Variants in EPB41L4A observed in about 807,000 individuals in gnomAD.
EPB41L4A encodes the protein band 4.1-like protein 4A.
In EPB41L4A, 100 loss-of-function variants were observed where a neutral mutation model predicts 108.6. That is an observed-to-expected ratio of 0.92 (90% confidence interval 0.78 to 1.09). The LOEUF (loss-of-function observed/expected upper bound fraction) is 1.09, where lower values mean the gene tolerates loss of function less well. EPB41L4A is among the 50% of genes least tolerant of loss of function. EPB41L4A has a pLI of 0.00. For synonymous variants in EPB41L4A, 319 were observed against 289.0 expected (o/e 1.10, Z -1.05); for missense variants, 1,030 against 842.7 (o/e 1.22, Z -2.75).
chr5:112,285,435 G>C (rs943573168), intron 2 of EPB41L4A, among the ~76,000 whole-genome samples: 1 of 152,138 alleles, frequency 6.6e-6, no homozygotes, highest in African/African-American at 2.4e-5. Flanking sequence ...ATGGCTATTT[G>C]TGCTTTTCCC....
intron 11 of EPB41L4A, among the ~76,000 whole-genome samples, chr5:112,238,621 T>C (rs557121619): frequency 1.3e-5 from 2 of 152,318 alleles, no homozygotes; most frequent in Admixed American, 6.5e-5. Context: ...AAGCATTTCA[T>C]TCAGTGATGT....
intron 1 of EPB41L4A, among the ~76,000 whole-genome samples, chr5:112,318,695 G>A (rs1404771071): frequency 6.6e-5 from 10 of 152,224 alleles, no homozygotes; most frequent in Admixed American, 1.3e-4. Context: ...GCCACTAAAT[G>A]TTGGGTAGTT....
chr5:112,395,450 C>T (rs943022339), intron 1 of EPB41L4A, among the ~76,000 whole-genome samples: 13 of 152,308 alleles, frequency 8.5e-5, no homozygotes, highest in African/African-American at 2.6e-4. Flanking sequence ...TGAACAGACG[C>T]TTCTCAAAAG....
At chr5:112,381,460 T>G (rs1760170347) in intron 1 of EPB41L4A, among the ~76,000 whole-genome samples, 1 of 152,258 alleles carries the variant, frequency 6.6e-6, no homozygotes, top group Non-Finnish European at 1.5e-5. Context: ...GCAGCAGGAT[T>G]TGAACCAAGA....
chr5:112,181,523 G>A (rs1223062732), intron 18 of EPB41L4A, among the ~76,000 whole-genome samples: 2 of 151,880 alleles, frequency 1.3e-5, no homozygotes, highest in East Asian at 1.9e-4. Flanking sequence ...TTGCCCAAGC[G>A]AAAGAAAACA....
intron 4 of EPB41L4A, among the ~76,000 whole-genome samples, chr5:112,267,336 A>T (rs74468322): frequency 6.6e-6 from 1 of 152,364 alleles, no homozygotes; most frequent in African/African-American, 2.4e-5. Context: ...AATCAGCTAT[A>T]TTAAATATCT....
intron 1 of EPB41L4A, among the ~76,000 whole-genome samples, chr5:112,325,169 C>T (rs1289471009): frequency 2.0e-5 from 3 of 152,074 alleles, no homozygotes; most frequent in Admixed American, 2.0e-4. Flanking sequence ...GGGCCGGGCG[C>T]GGTGGCTCAC....
downstream of EPB41L4A, chr5:112,161,241 G>C (rs992435532): frequency 1.6e-5 from 5 of 305,672 alleles, no homozygotes; most frequent in African/African-American, 6.6e-5. Context: ...CAGCGTGCCT[G>C]GTTACAGCTG....
chr5:112,195,936 G>T (rs138457098), intron 15 of EPB41L4A, among the ~76,000 whole-genome samples: 4 of 152,056 alleles, frequency 2.6e-5, no homozygotes, highest in African/African-American at 9.7e-5. Context: ...CAAACCGTCC[G>T]AATTCCATTA....
intron 1 of EPB41L4A, among the ~76,000 whole-genome samples, chr5:112,328,194 A>C (rs560103921): frequency 2.5e-4 from 38 of 152,262 alleles, no homozygotes; most frequent in Non-Finnish European, 4.9e-4. Context: ...CTGTAGTCCC[A>C]GCTACTTTGG....
At chr5:112,339,132 A>G (rs1407568940) in intron 1 of EPB41L4A, among the ~76,000 whole-genome samples, 1 of 152,188 alleles carries the variant, frequency 6.6e-6, no homozygotes, top group Non-Finnish European at 1.5e-5. Context: ...CGAAGAGAGC[A>G]GGAATTGCAC....
At chr5:112,345,714 C>T (rs769551349) in intron 1 of EPB41L4A, among the ~76,000 whole-genome samples, 7 of 151,282 alleles carry the variant, frequency 4.6e-5, no homozygotes, top group African/African-American at 9.7e-5. Context: ...TGTGTGCACA[C>T]GCATGCAGTG....
chr5:112,395,227 A>G (rs2112703663), intron 1 of EPB41L4A, among the ~76,000 whole-genome samples: 2 of 152,354 alleles, frequency 1.3e-5, no homozygotes, highest in East Asian at 3.9e-4. Flanking sequence ...ATGGCAACAA[A>G]AGCCAAAATT....
chr5:112,177,998 G>A (rs946270965), intron 18 of EPB41L4A, among the ~76,000 whole-genome samples: 2 of 151,590 alleles, frequency 1.3e-5, no homozygotes, highest in Non-Finnish European at 2.9e-5. Context: ...ACTGCTAGCA[G>A]GCTAAACACT....
At chr5:112,347,887 C>A (rs540942698) in intron 1 of EPB41L4A, among the ~76,000 whole-genome samples, 1 of 152,298 alleles carries the variant, frequency 6.6e-6, no homozygotes, top group South Asian at 2.1e-4. Context: ...CCAATACACC[C>A]AACCTATTGC....
chr5:112,321,163 G>C (rs555371351), intron 1 of EPB41L4A, among the ~76,000 whole-genome samples: 57 of 152,300 alleles, frequency 3.7e-4, no homozygotes, highest in African/African-American at 1.3e-3. Flanking sequence ...ACAGAGGAGA[G>C]AACACGACAA....
intron 17 of EPB41L4A, among the ~76,000 whole-genome samples, chr5:112,193,511 G>C (rs980498157): frequency 6.6e-6 from 1 of 152,192 alleles, no homozygotes; most frequent in African/African-American, 2.4e-5. Context: ...ATGTTGGTCA[G>C]GCTGGTCTCG....
chr5:112,289,176 G>T (rs578054655), intron 2 of EPB41L4A, among the ~76,000 whole-genome samples: 47 of 152,100 alleles, frequency 3.1e-4, no homozygotes, highest in Admixed American at 7.9e-4. Flanking sequence ...GCTAGAGAAG[G>T]ATCTACAGAT....
At chr5:112,293,721 G>C (rs1292946602) in intron 2 of EPB41L4A, among the ~76,000 whole-genome samples, 1 of 152,166 alleles carries the variant, frequency 6.6e-6, no homozygotes, top group Non-Finnish European at 1.5e-5. Flanking sequence ...TGCAGTGCAA[G>C]AAGCGACTTT....
Sources: gnomAD v4.1 joint callset for allele counts (sites outside exome capture counted in the v4.1 genomes callset) on GRCh38, gnomAD v4.1.1 for gene constraint, MANE v1.5 for transcripts, NCBI Gene and HGNC (gene_info 2026-07-23, HGNC 2026-07-21) for gene names.